The following NLRP14 variants were observed in gnomAD, a reference collection of about 807,000 sequenced individuals.
NLRP14 encodes the protein NLR family pyrin domain containing 14.
A neutral mutation model predicts 94.7 loss-of-function variants in NLRP14; 105 were observed. The ratio of observed to expected loss-of-function variants is 1.11; its 90% CI spans 0.95 to 1.30. NLRP14 has a LOEUF of 1.30. Ranked by LOEUF, NLRP14 falls within the 50% of genes most tolerant of loss-of-function variation. NLRP14 has a pLI of 0.00. For missense variants in NLRP14, 1,362 were observed against 1,254.1 expected (o/e 1.09, Z -1.30); for synonymous variants, 508 against 459.9 (o/e 1.10, Z -1.34).
At chr11:7,090,311 C>T in the NLRP14 span, 18 of 1,580,618 alleles carry the variant, frequency 1.1e-5, no homozygotes, top group Middle Eastern at 1.7e-4. Context: ...CAGGAACAGA[C>T]TTGGGACCAA....
rs767398098 is a variant in NLRP14 at position 7,042,946 on chromosome 11, C to G, written c.920C>G (p.Thr307Arg). Residue 307 changes from threonine to arginine, a missense_variant, in exon 4 of 12, where the codon ACA becomes AGA. Transcript: ENST00000299481. ...CCTGAGGCATCCTTATTGGTGACAA[C>G]AAGACTCACAACTTCTAAGAGACTA... ...MLPEASLLVTTRLTTSKRLKQ... is the reference protein window; with the variant it reads ...MLPEASLLVTRRLTTSKRLKQ... 3.1e-6 allele frequency: 5 copies of G among 1,613,810 alleles called. No homozygotes were observed. In the East Asian group the frequency reaches 1.1e-4, roughly 36 times the overall value.
At chr11:7,041,214 A>G (rs971142117) in intron 3 of NLRP14, among the ~76,000 whole-genome samples, 7 of 151,974 alleles carry the variant, frequency 4.6e-5, no homozygotes. Flanking sequence ...GGGATTTTTT[A>G]GTTATCATTT....
At chr11:7,064,961 C>A (rs1329228606) in intron 10 of NLRP14, among the ~76,000 whole-genome samples, 1 of 151,870 alleles carries the variant, frequency 6.6e-6, no homozygotes, top group East Asian at 1.9e-4. Context: ...GTTTGTAATT[C>A]CCAGTTCTAA....
the NLRP14 span, among the ~76,000 whole-genome samples, chr11:7,083,041 A>G: frequency 2.6e-5 from 4 of 152,206 alleles, no homozygotes; most frequent in African/African-American, 9.6e-5. Context: ...TAGGAAAAAC[A>G]AAGTTGAAGT....
chr11:7,057,683 A>C lies in NLRP14; in HGVS notation c.2298A>C (p.Glu766Asp). Residue 766 changes from glutamate (E) to aspartate (D), a missense_variant, in exon 7 of 12, where the codon GAA (glutamate) becomes GAC (aspartate). Transcript: ENST00000299481. Reference sequence around the variant, plus strand: ...TTTCTGTGTTGTTTTCCAGGCTGGAATCTTGCAACCTAACTGTATTTTGTT... The same window carrying C: ...TTTCTGTGTTGTTTTCCAGGCTGGACTCTTGCAACCTAACTGTATTTTGTT... Reference protein sequence around the residue: ...PECKLQTLRLESCNLTVFCCL... With the variant: ...PECKLQTLRLDSCNLTVFCCL... 1 of 1,612,376 alleles carries C rather than the reference A, an allele frequency of 6.2e-7. No homozygotes were observed. The highest frequency in any genetic ancestry group is 8.5e-7 in the Non-Finnish European group (1 of 1,178,756).
chr11:7,021,395 A>T (rs944206804), intron 1 of NLRP14, among the ~76,000 whole-genome samples: 27 of 152,176 alleles, frequency 1.8e-4, no homozygotes, highest in Non-Finnish European at 3.4e-4. Flanking sequence ...TTCACCACAC[A>T]ATAAGCTCTT....
the NLRP14 span, among the ~76,000 whole-genome samples, chr11:7,078,013 T>C: frequency 6.6e-6 from 1 of 152,158 alleles, no homozygotes; most frequent in Admixed American, 6.5e-5. Flanking sequence ...GACAAAGAGT[T>C]CTAGAGTGTT....
chr11:7,063,210 C>T (rs1274214286), intron 10 of NLRP14, among the ~76,000 whole-genome samples: 1 of 152,092 alleles, frequency 6.6e-6, no homozygotes, highest in Non-Finnish European at 1.5e-5. Flanking sequence ...ATCCTACTTA[C>T]AACCTAATAA....
At position 7,038,770 on chromosome 11, in the gene NLRP14, A is replaced by C. The variant is rs1852200365; in HGVS notation, c.184A>C (p.Met62Leu). ...CAGGCGGGAGGACCTGGCCAATTTG[A>C]TGAAGAAATATTATCCAGGAGAGAA... ...KARREDLANL[M>L]KKYYPGEKAW... The change falls in exon 2 of 12, where the codon ATG becomes CTG. Residue 62 changes from methionine to leucine, a missense_variant. Physicochemically the swap from Met to Leu is conservative, Grantham distance 15. Coordinates refer to ENST00000299481, the MANE Select transcript of NLRP14 (RefSeq NM_176822.4). 6.2e-7 allele frequency: 1 copy of C among 1,613,472 alleles called. No homozygotes were observed. The highest frequency in any genetic ancestry group is 8.5e-7 in the Non-Finnish European group (1 of 1,179,884).
intron 1 of NLRP14, among the ~76,000 whole-genome samples, chr11:7,031,784 C>T (rs1397907288): frequency 6.6e-6 from 1 of 152,192 alleles, no homozygotes; most frequent in Non-Finnish European, 1.5e-5. Flanking sequence ...CGAAACAAAC[C>T]GCCTGAAAAC....
the NLRP14 span, chr11:7,090,157 C>G: frequency 3.7e-6 from 6 of 1,613,832 alleles, no homozygotes; most frequent in Non-Finnish European, 5.1e-6. Flanking sequence ...GTGGGCAGAC[C>G]AGATCGTGGG....
intron 11 of NLRP14, 68 bp from the exon 12 acceptor site, chr11:7,071,105 T>G (rs778314284): frequency 1.6e-5 from 25 of 1,569,506 alleles, no homozygotes; most frequent in Non-Finnish European, 1.8e-5. Context: ...AATAAATCCT[T>G]TACAGAGAAA....
the NLRP14 span, among the ~76,000 whole-genome samples, chr11:7,088,088 A>G: frequency 6.6e-6 from 1 of 152,200 alleles, no homozygotes; most frequent in South Asian, 2.1e-4. Flanking sequence ...AACAAGTTAG[A>G]AAAGGGAAGA....
At chr11:7,024,655 A>AGT (rs142970234) in intron 1 of NLRP14, among the ~76,000 whole-genome samples, 1 of 151,714 alleles carries the variant, frequency 6.6e-6, no homozygotes, top group Non-Finnish European at 1.5e-5. Flanking sequence ...ATCTTTCATG[A>AGT]GTGTGTGTGT....
At chr11:7,079,365 A>C in the NLRP14 span, among the ~76,000 whole-genome samples, 1 of 152,132 alleles carries the variant, frequency 6.6e-6, no homozygotes, top group South Asian at 2.1e-4. Flanking sequence ...GTTCACCAAT[A>C]TTCACACCTT....
intron 1 of NLRP14, among the ~76,000 whole-genome samples, chr11:7,034,657 C>A (rs1852138399): frequency 6.6e-6 from 1 of 152,182 alleles, no homozygotes; most frequent in African/African-American, 2.4e-5. Context: ...GCATAGTTAA[C>A]AATATATCTT....
intron 4 of NLRP14, among the ~76,000 whole-genome samples, chr11:7,044,789 A>G (rs560983680): frequency 6.6e-6 from 1 of 151,150 alleles, no homozygotes; most frequent in East Asian, 1.9e-4. Flanking sequence ...ATAATGTGCA[A>G]TTTAATGTTG....
At chr11:7,026,507 C>A (rs1414421725) in intron 1 of NLRP14, among the ~76,000 whole-genome samples, 1 of 152,092 alleles carries the variant, frequency 6.6e-6, no homozygotes, top group Non-Finnish European at 1.5e-5. Context: ...CAGGAAAAAA[C>A]AGGTGCTGGA....
chr11:7,027,993 C>G (rs548263457), intron 1 of NLRP14, among the ~76,000 whole-genome samples: 1 of 152,278 alleles, frequency 6.6e-6, no homozygotes, highest in South Asian at 2.1e-4. Context: ...TCTGCTCCCT[C>G]TCTGTGACTT....
Sources: allele counts gnomAD v4.1 joint callset (sites outside exome capture counted in the v4.1 genomes callset), GRCh38; gene constraint gnomAD v4.1.1; transcripts MANE v1.5; gene names NCBI Gene and HGNC (gene_info 2026-07-23, HGNC 2026-07-21).